The following L1CAM variants were observed in gnomAD, a reference collection of about 807,000 sequenced individuals.
L1CAM encodes neural cell adhesion molecule L1.
Under a neutral mutation model 93.0 loss-of-function variants are expected in L1CAM, and 8 were observed. The ratio of observed to expected loss-of-function variants is 0.09; its 90% confidence interval spans 0.05 to 0.16. The LOEUF is 0.16. Among genes scored for constraint, L1CAM ranks in the 10% least tolerant of loss-of-function variants. The pLI, the probability that L1CAM is intolerant of heterozygous loss-of-function variation, is 1.00. For synonymous variants in L1CAM, 453 were observed against 453.0 expected (o/e 1.00, Z 0.00); for missense variants, 777 against 1,073.4 (o/e 0.72, Z 3.86).
chrX:153,866,547 A>T (rs1557090914), intron 19 of L1CAM, 102 bp downstream of exon 19: 1 of 571,305 alleles, frequency 1.8e-6, no homozygotes, highest in African/African-American at 2.3e-5. Context: ...GAATATCCTC[A>T]TCCTTAGGAA....
chrX:153,883,952 A>G (rs781985112), intron 1 of L1CAM: 10 of 340,260 alleles, frequency 2.9e-5, no homozygotes, highest in South Asian at 2.1e-4. Flanking sequence ...GGCCAGGTGC[A>G]TGCCAAGGAA....
At chrX:153,884,711 C>T (rs2064867994) in intron 1 of L1CAM, among the ~76,000 whole-genome samples, 1 of 112,583 alleles carries the variant, frequency 8.9e-6, no homozygotes, top group South Asian at 3.6e-4. Flanking sequence ...CATGTGGGCA[C>T]TGCATGGGAG....
chrX:153,881,256 G>T lies in L1CAM; in HGVS notation c.-109+4809C>A, dbSNP rs1401498560. The stretch of plus-strand genomic sequence containing the variant: ...GAGGACACGGAGGCTCAGAAAACTG[G>T]AAACTGTGTCCAAGATCACAGAGCT... On this transcript the variant is annotated intron_variant, in intron 1 of 28. Transcript: ENST00000370060. Among the ~76,000 whole-genome samples the T allele has an allele frequency of 3.6e-5, 4 of 112,131 alleles. No homozygotes were observed. The Admixed American group carries it at 3.8e-4, about 11-fold the overall frequency.
At chrX:153,875,730 G>C in intron 2 of L1CAM, 31 bp downstream of exon 2, 1 of 1,174,492 alleles carries the variant, frequency 8.5e-7, no homozygotes, top group Non-Finnish European at 1.2e-6. Context: ...AGCGGCGAAG[G>C]TAGGCGCCCA....
At chrX:153,882,544 ACAAG>A (rs1192609949) in intron 1 of L1CAM, among the ~76,000 whole-genome samples, 4 of 108,196 alleles carry the variant, frequency 3.7e-5, no homozygotes, top group Non-Finnish European at 7.7e-5. Context: ...ATACACACAC[ACAAG>A]CAGAGACACA....
intron 11 of L1CAM, chrX:153,869,301 C>T (rs371534948): frequency 1.7e-5 from 8 of 481,715 alleles, no homozygotes; most frequent in African/African-American, 4.7e-5. Context: ...CACAGCGGTC[C>T]GCTCAGTCAC....
At chrX:153,869,096 G>T in intron 11 of L1CAM, 144 bp from the exon 12 acceptor site, 1 of 514,898 alleles carries the variant, frequency 1.9e-6, no homozygotes, top group Non-Finnish European at 3.4e-6. Context: ...GCCCCCGCCA[G>T]GCTGTGTCTC....
chrX:153,883,110 C>T (rs1031577977), intron 1 of L1CAM, among the ~76,000 whole-genome samples: 4 of 111,797 alleles, frequency 3.6e-5, no homozygotes, highest in Admixed American at 2.8e-4. Context: ...AACCCCAAGG[C>T]GTAGAGTCCA....
At chrX:153,871,249 GGGCAGGGGGGTGGC>G in intron 5 of L1CAM, 70 bp from the exon 6 acceptor site, 1 of 968,907 alleles carries the variant, frequency 1.0e-6, no homozygotes. Context: ...AGGGAGGTGG[GGGCAGGGGGGTGGC>G]GGGCTACACC....
chrX:153,871,570 C>T (rs1557093131), intron 5 of L1CAM, among the ~76,000 whole-genome samples: 1 of 108,219 alleles, frequency 9.2e-6, no homozygotes, highest in African/African-American at 3.4e-5. Context: ...GAAACCATGG[C>T]AACGGTTCCC....
chrX:153,863,855 C>A, intron 26 of L1CAM, 28 bp downstream of exon 26: 1 of 1,211,416 alleles, frequency 8.3e-7, no homozygotes, highest in Non-Finnish European at 1.1e-6. Context: ...CTCGGCTCCA[C>A]CCCCGTCACG....
At chrX:153,863,631 A>G in intron 26 of L1CAM, 82 bp from the exon 27 acceptor site, 1 of 962,204 alleles carries the variant, frequency 1.0e-6, no homozygotes, top group Non-Finnish European at 1.5e-6. Flanking sequence ...CCGCACCCCC[A>G]GCACTCTGTC....
chrX:153,886,026 C>A, intron 1 of L1CAM, 39 bp downstream of exon 1: 1 of 458,932 alleles, frequency 2.2e-6, no homozygotes, highest in Non-Finnish European at 2.4e-6. Context: ...GGGATCGCGG[C>A]CGCGGCCCGG....
chrX:153,866,557 A>T (rs950863752), intron 19 of L1CAM, 92 bp downstream of exon 19: 4 of 615,988 alleles, frequency 6.5e-6, no homozygotes. Flanking sequence ...ATCCTTAGGA[A>T]AGGCGCACAC....
intron 6 of L1CAM, 30 bp from the exon 7 acceptor site, chrX:153,870,990 A>G (rs1302833295): frequency 5.8e-6 from 7 of 1,207,331 alleles, no homozygotes; most frequent in Non-Finnish European, 7.8e-6. Context: ...CGAAGTCATG[A>G]CCCCGTCCAG....
At chrX:153,864,766 T>C (rs2064696090) in intron 23 of L1CAM, 55 bp downstream of exon 23, 1 of 1,211,671 alleles carries the variant, frequency 8.3e-7, no homozygotes, top group South Asian at 1.8e-5. Context: ...AGGCCCTCCC[T>C]CCTGGACCCG....
At position 153,865,507 on chromosome X, in the gene L1CAM, A is replaced by G. The variant is rs1233749053; in HGVS notation, c.2548-7T>C. 6 of 1,205,371 alleles carry G rather than the reference A, an allele frequency of 5.0e-6. No homozygotes were observed. Among genetic ancestry groups the G allele is most frequent in the Non-Finnish European group, 6.7e-6 (6 of 891,338 alleles). ...CCTCCCTCCAGTACGTCACCTGCAC[A>G]AGCGAACAGGAGACCTCGCAGGGGC... On this transcript the variant is annotated splice_polypyrimidine_tract_variant and splice_region_variant and intron_variant, in intron 20 of 28. Coordinates refer to ENST00000370060, the MANE Select transcript of L1CAM (RefSeq NM_001278116.2).
At chrX:153,875,540 G>A (rs2064806358) in intron 2 of L1CAM, 1 of 503,485 alleles carries the variant, frequency 2.0e-6, no homozygotes, top group South Asian at 2.5e-5. Context: ...CGGCGGCCGC[G>A]CCTGTCCCTG....
At chrX:153,883,921 C>T (rs782208023) in intron 1 of L1CAM, 10 of 339,227 alleles carry the variant, frequency 2.9e-5, no homozygotes, top group Non-Finnish European at 5.9e-5. Flanking sequence ...CCTGTCTCCT[C>T]GACCCTCACC....
Sources: allele counts gnomAD v4.1 joint callset (sites outside exome capture counted in the v4.1 genomes callset), GRCh38; gene constraint gnomAD v4.1.1; transcripts MANE v1.5; gene names NCBI Gene and HGNC (gene_info 2026-07-23, HGNC 2026-07-21).